Variants in MYOD1 observed in about 807,000 individuals in gnomAD.
The protein encoded by MYOD1 is myoblast determination protein 1.
In MYOD1, 15 loss-of-function variants were observed where a neutral mutation model predicts 14.9. That is an observed-to-expected ratio of 1.01 (90% CI 0.67 to 1.55). The LOEUF (loss-of-function observed/expected upper bound fraction) is 1.55. Ranked by LOEUF, MYOD1 falls within the 40% of genes most tolerant of loss-of-function variation. The probability of loss-of-function intolerance (pLI) is 0.00; values close to 1 mark genes in which losing one functional copy is unlikely to be tolerated. For synonymous variants in MYOD1, 235 were observed against 218.6 expected (o/e 1.07, Z -0.66); for missense variants, 529 against 482.6 (o/e 1.10, Z -0.90).
At position 17,719,820 on chromosome 11, in the gene MYOD1, T is replaced by G. The variant is rs748244095; in HGVS notation, c.38T>G (p.Leu13Arg). The G allele has an allele frequency of 1.4e-5, 23 of 1,613,416 alleles. No individual in the cohort carries two copies. In the South Asian group the frequency reaches 2.5e-4, roughly 18 times the overall value. ...LLSPPLRDVD[L>R]TAPDGSLCSF... ...TCGCCACCGCTCCGCGACGTAGACCTGACGGCCCCCGACGGCTCTCTCTGC... is the reference window on the plus strand; with the variant it reads ...TCGCCACCGCTCCGCGACGTAGACCGGACGGCCCCCGACGGCTCTCTCTGC... Residue 13 changes from leucine to arginine, a missense_variant, in exon 1 of 3, where the codon CTG (leucine) becomes CGG (arginine). Physicochemically the swap from Leu to Arg is moderately radical, Grantham distance 102 (BLOSUM62 -2). Coordinates refer to ENST00000250003, the MANE Select transcript of MYOD1 (RefSeq NM_002478.5).
In MYOD1 at chr11:17,720,373, C is replaced by T. The variant is rs1253160160; in HGVS notation, c.591C>T (p.Ser197=). ...GCGGCGAGCACTACAGCGGCGACTC[C>T]GACGCGTCCAGCCCGCGCTCCAACT... ...GRGGEHYSGD[S]DASSPRSNCS... Residue 197 remains serine (S), a synonymous_variant, in exon 1 of 3, where the codon TCC becomes TCT. Coordinates refer to ENST00000250003, the MANE Select transcript of MYOD1 (RefSeq NM_002478.5). 3 of 1,560,470 alleles carry T rather than the reference C, an allele frequency of 1.9e-6. No individual in the cohort carries two copies. The highest frequency in any genetic ancestry group is 1.7e-6 in the Non-Finnish European group (2 of 1,162,090).
In MYOD1 at chr11:17,720,199, T is replaced by G; in HGVS notation, c.417T>G (p.Asn139Lys). Residue 139 changes from asparagine (N) to lysine (K), a missense_variant, in exon 1 of 3, where the codon AAT becomes AAG. Asn to Lys is a moderately conservative substitution (Grantham distance 94, BLOSUM62 0). Coordinates refer to ENST00000250003, the MANE Select transcript of MYOD1 (RefSeq NM_002478.5). ...FETLKRCTSS[N>K]PNQRLPKVEI... ...CACTCAAGCGCTGCACGTCGAGCAA[T>G]CCAAACCAGCGGTTGCCCAAGGTGG... 1 of 1,609,780 alleles carries G rather than the reference T, an allele frequency of 6.2e-7. No homozygotes were observed. Among genetic ancestry groups the G allele is most frequent in the Non-Finnish European group, 8.5e-7 (1 of 1,178,752 alleles).
chr11:17,720,985 G>C lies in MYOD1; in HGVS notation c.709+5G>C. ...ACTACAACGAGGCGCCCAGCGGTGG[G>C]TATTCCGGGCCTCTCCCTGCTCGCT... On this transcript the variant is annotated splice_donor_5th_base_variant and intron_variant, in intron 2 of 2. Transcript: ENST00000250003. The C allele has an allele frequency of 6.3e-7, 1 of 1,584,758 alleles. No homozygotes were observed. The highest frequency in any genetic ancestry group is 8.6e-7 in the Non-Finnish European group (1 of 1,166,574).
intron 1 of MYOD1, among the ~76,000 whole-genome samples, 186 bp from the exon 2 acceptor site, chr11:17,720,716 T>C (rs896171948): frequency 6.6e-6 from 1 of 152,180 alleles, no homozygotes; most frequent in Non-Finnish European, 1.5e-5. Context: ...CTGTCCGCCC[T>C]TGGTTTGGCC....
rs1590084626 is a variant in MYOD1 at position 17,721,323 on chromosome 11, T to A, written c.778T>A (p.Ser260Thr). 5 of 1,590,886 alleles carry A rather than the reference T, an allele frequency of 3.1e-6. No individual in the cohort carries two copies. The East Asian group carries it at 1.1e-4, about 36-fold the overall frequency. ...DCLSSIVERI[S>T]TESPAAPALL... Reference sequence around the variant, plus strand: ...CCTGTCCAGCATCGTGGAGCGCATCTCCACCGAGAGCCCTGCGGCGCCCGC... The same window carrying A: ...CCTGTCCAGCATCGTGGAGCGCATCACCACCGAGAGCCCTGCGGCGCCCGC... Residue 260 changes from serine to threonine, a missense_variant, in exon 3 of 3, where the codon TCC (serine) becomes ACC (threonine). Ser to Thr is a moderately conservative substitution (Grantham distance 58). Transcript: ENST00000250003. The surrounding 1 kb of genome is among the most constrained non-coding windows in gnomAD (Gnocchi z 6.2).
In MYOD1 at chr11:17,719,892, C is replaced by T. The variant is rs369671991; in HGVS notation, c.110C>T (p.Ser37Phe). 4.3e-6 allele frequency: 7 copies of T among 1,613,836 alleles called. No individual in the cohort carries two copies. The highest frequency in any genetic ancestry group is 4.0e-5 in the African/African-American group (3 of 74,934). ...DDFYDDPCFD[S>F]PDLRFFEDLD... is the part of the protein sequence containing the mutation. ...TTCTATGACGACCCGTGTTTCGACTCCCCGGACCTGCGCTTCTTCGAAGAC... is the reference window on the plus strand; with the variant it reads ...TTCTATGACGACCCGTGTTTCGACTTCCCGGACCTGCGCTTCTTCGAAGAC... The change falls in exon 1 of 3, where the codon TCC (serine) becomes TTC (phenylalanine). Residue 37 changes from serine to phenylalanine, a missense_variant. Ser to Phe is a radical substitution (Grantham distance 155). Transcript: ENST00000250003.
At chr11:17,720,440 A>C in intron 1 of MYOD1, 28 bp downstream of exon 1, 1 of 1,520,194 alleles carries the variant, frequency 6.6e-7, no homozygotes, top group Admixed American at 2.4e-5. Context: ...GGAAGTGAGG[A>C]AGTTAGGGCG....
At position 17,721,029 on chromosome 11, in the gene MYOD1, TG is replaced by T. The variant is rs1162205048; in HGVS notation, c.709+50del. On this transcript the variant is annotated intron_variant, in intron 2 of 2. Coordinates refer to ENST00000250003, the MANE Select transcript of MYOD1 (RefSeq NM_002478.5). The surrounding 1 kb of genome is among the most constrained non-coding windows in gnomAD (Gnocchi z 6.2). ...GCTCGCTCCTCCTCCTTCATGGAGC[TG>T]TCCTGGCCTCTATCTAGGACGCTCC... 2 of 1,508,006 alleles carry T rather than the reference TG, an allele frequency of 1.3e-6. No individual in the cohort carries two copies. The highest frequency in any genetic ancestry group is 4.3e-5 in the Admixed American group (2 of 46,032). 93.4% of individuals were successfully genotyped at this position (1,508,006 alleles called of 1,614,324 possible). A position where few individuals can be genotyped will look rare whatever the true frequency, so the allele number is the denominator to read the frequency against.
Position 17,719,725 on chromosome 11 carries a change from C to A in MYOD1, c.-58C>A, listed in dbSNP as rs1590083753. 4 of 1,542,328 alleles carry A rather than the reference C, an allele frequency of 2.6e-6. No homozygotes were observed. The highest frequency in any genetic ancestry group is 3.5e-6 in the Non-Finnish European group (4 of 1,147,572). On this transcript the variant is annotated 5_prime_UTR_variant, in exon 1 of 3. Transcript: ENST00000250003. ...GCTCCCGAGCGGCAGAAAGTTCCGG[C>A]CACTCTCTGCCGCTTGGGTTGGGCG... is the stretch of plus-strand genomic sequence containing the variant.
rs764954467 is a variant in MYOD1 at position 17,721,285 on chromosome 11, C to T, written c.740C>T (p.Ser247Leu). The change falls in exon 3 of 3, where the codon TCG (serine) becomes TTG (leucine). Residue 247 changes from serine to leucine, a missense_variant. Ser to Leu is a moderately radical substitution (Grantham distance 145, BLOSUM62 -2). Transcript: ENST00000250003. This position sits in a 1 kb window ranked among gnomAD's most constrained non-coding sequence, Gnocchi z 6.2. ...AGGCCCGGGAAGAGTGCGGCGGTGT[C>T]GAGCCTAGACTGCCTGTCCAGCATC... Reference protein sequence around the residue: ...EPRPGKSAAVSSLDCLSSIVE... With the variant: ...EPRPGKSAAVLSLDCLSSIVE... 2.5e-6 allele frequency: 4 copies of T among 1,575,168 alleles called. No individual in the cohort carries two copies. Among genetic ancestry groups the T allele is most frequent in the Non-Finnish European group, 1.7e-6 (2 of 1,162,080 alleles).
In MYOD1 at chr11:17,721,044, C is replaced by T. The variant is rs549658506; in HGVS notation, c.709+64C>T. The T allele has an allele frequency of 6.8e-7, 1 of 1,469,250 alleles. No homozygotes were observed. The highest frequency in any genetic ancestry group is 2.5e-5 in the Admixed American group (1 of 39,982). 91.0% of individuals were successfully genotyped at this position (1,469,250 alleles called of 1,614,324 possible). Reference sequence around the variant, plus strand: ...TTCATGGAGCTGTCCTGGCCTCTATCTAGGACGCTCCCACCCCCACTCACA... The same window carrying T: ...TTCATGGAGCTGTCCTGGCCTCTATTTAGGACGCTCCCACCCCCACTCACA... On this transcript the variant is annotated intron_variant, in intron 2 of 2. Transcript: ENST00000250003. The surrounding 1 kb of genome is among the most constrained non-coding windows in gnomAD (Gnocchi z 6.2).
At position 17,719,878 on chromosome 11, in the gene MYOD1, C is replaced by G. The variant is rs751981403; in HGVS notation, c.96C>G (p.Asp32Glu). The change falls in exon 1 of 3, where the codon GAC becomes GAG. Residue 32 changes from aspartate to glutamate, a missense_variant. Coordinates refer to ENST00000250003, the MANE Select transcript of MYOD1 (RefSeq NM_002478.5). ...CCACAACGGACGACTTCTATGACGACCCGTGTTTCGACTCCCCGGACCTGC... is the reference window on the plus strand; with the variant it reads ...CCACAACGGACGACTTCTATGACGAGCCGTGTTTCGACTCCCCGGACCTGC... Reference protein sequence around the residue: ...SFATTDDFYDDPCFDSPDLRF... With the variant: ...SFATTDDFYDEPCFDSPDLRF... 2.5e-6 allele frequency: 4 copies of G among 1,613,956 alleles called. No homozygotes were observed. The highest frequency in any genetic ancestry group is 3.4e-6 in the Non-Finnish European group (4 of 1,180,014).
rs201759677 is a variant in MYOD1 at position 17,721,251 on chromosome 11, G to T, written c.710-4G>T. 3.9e-6 allele frequency: 6 copies of T among 1,537,476 alleles called. No homozygotes were observed. Among genetic ancestry groups the T allele is most frequent in the Non-Finnish European group, 5.2e-6 (6 of 1,143,458 alleles). On this transcript the variant is annotated splice_polypyrimidine_tract_variant and splice_region_variant and intron_variant, in intron 2 of 2. Transcript: ENST00000250003. This position sits in a 1 kb window ranked among gnomAD's most constrained non-coding sequence, Gnocchi z 6.2. ...TGCTTACTAACCGAGCCCTCCCCGC[G>T]CAGAACCCAGGCCCGGGAAGAGTGC...
chr11:17,721,279 C>T lies in MYOD1; in HGVS notation c.734C>T (p.Ala245Val). Residue 245 changes from alanine to valine, a missense_variant, in exon 3 of 3, where the codon GCG becomes GTG. By Grantham distance (64) the Ala-to-Val change is moderately conservative. Coordinates refer to ENST00000250003, the MANE Select transcript of MYOD1 (RefSeq NM_002478.5). This position sits in a 1 kb window ranked among gnomAD's most constrained non-coding sequence, Gnocchi z 6.2. Reference protein sequence around the residue: ...PSEPRPGKSAAVSSLDCLSSI... With the variant: ...PSEPRPGKSAVVSSLDCLSSI... ...GAACCCAGGCCCGGGAAGAGTGCGG[C>T]GGTGTCGAGCCTAGACTGCCTGTCC... 2 of 1,572,970 alleles carry T rather than the reference C, an allele frequency of 1.3e-6. No homozygotes were observed. Among genetic ancestry groups the T allele is most frequent in the Non-Finnish European group, 1.7e-6 (2 of 1,160,806 alleles).
rs777410499 is a variant in MYOD1, at chr11:17,720,216, C to T, written c.434C>T (p.Pro145Leu). The T allele has an allele frequency of 2.5e-6, 4 of 1,609,520 alleles. No individual in the cohort carries two copies. The change falls in exon 1 of 3, where the codon CCC (proline) becomes CTC (leucine). Residue 145 changes from proline to leucine, a missense_variant. By Grantham distance (98) the Pro-to-Leu change is moderately conservative (BLOSUM62 -3). Coordinates refer to ENST00000250003, the MANE Select transcript of MYOD1 (RefSeq NM_002478.5). ...TCGAGCAATCCAAACCAGCGGTTGC[C>T]CAAGGTGGAGATCCTGCGCAACGCC... ...CTSSNPNQRL[P>L]KVEILRNAIR...
rs758659312 is a variant in MYOD1 at position 17,720,030 on chromosome 11, C to A, written c.248C>A (p.Ala83Glu). 3 of 1,583,516 alleles carry A rather than the reference C, an allele frequency of 1.9e-6. No homozygotes were observed. The Admixed American group carries it at 5.4e-5, about 28-fold the overall frequency. The change falls in exon 1 of 3, where the codon GCG (alanine) becomes GAG (glutamate). Residue 83 changes from alanine to glutamate, a missense_variant. By Grantham distance (107) the Ala-to-Glu change is moderately radical. Transcript: ENST00000250003. The stretch of plus-strand genomic sequence containing the variant: ...GCACGTGAGGACGAGCATGTGCGCG[C>A]GCCCAGCGGGCACCACCAGGCGGGC... Reference protein sequence around the residue: ...PGAREDEHVRAPSGHHQAGRC... With the variant: ...PGAREDEHVREPSGHHQAGRC...
chr11:17,720,037 C>T lies in MYOD1; in HGVS notation c.255C>T (p.Ser85=), dbSNP rs1022032483. ...AGGACGAGCATGTGCGCGCGCCCAG[C>T]GGGCACCACCAGGCGGGCCGCTGCC... ...AREDEHVRAP[S]GHHQAGRCLL... Residue 85 remains serine, a synonymous_variant, in exon 1 of 3, where the codon AGC becomes AGT. Transcript: ENST00000250003. 3 of 1,579,420 alleles carry T rather than the reference C, an allele frequency of 1.9e-6. No homozygotes were observed. Among genetic ancestry groups the T allele is most frequent in the Non-Finnish European group, 2.6e-6 (3 of 1,163,028 alleles).
chr11:17,719,650 G>A lies in MYOD1; in HGVS notation c.-133G>A, dbSNP rs1848616240. The A allele has an allele frequency of 9.0e-7, 1 of 1,112,640 alleles. No individual in the cohort carries two copies. The highest frequency in any genetic ancestry group is 1.3e-6 in the Non-Finnish European group (1 of 796,306). 68.9% of individuals were successfully genotyped at this position (1,112,640 alleles called of 1,614,324 possible). The stretch of plus-strand genomic sequence containing the variant: ...CCGGACAGGAGAGGGAGGGGTGGGG[G>A]ACAGTGGGTGGGCATTCAGACTGCC... On this transcript the variant is annotated 5_prime_UTR_variant, in exon 1 of 3. Transcript: ENST00000250003.
rs780710796 is a variant in MYOD1, at chr11:17,720,401, T to C, written c.619T>C (p.Ser207Pro). Reference sequence around the variant, plus strand: ...CGCGTCCAGCCCGCGCTCCAACTGCTCCGACGGCATGGTAAGGCCGGGACC... The same window carrying C: ...CGCGTCCAGCCCGCGCTCCAACTGCCCCGACGGCATGGTAAGGCCGGGACC... ...SDASSPRSNC[S>P]DGMMDYSGPP... The change falls in exon 1 of 3, where the codon TCC (serine) becomes CCC (proline). Residue 207 changes from serine (S) to proline (P), a missense_variant. By Grantham distance (74) the Ser-to-Pro change is moderately conservative (BLOSUM62 -1). Transcript: ENST00000250003. The C allele has an allele frequency of 2.6e-6, 4 of 1,562,766 alleles. No individual in the cohort carries two copies. In the Admixed American group the frequency reaches 7.8e-5, roughly 31 times the overall value.
Sources: gnomAD v4.1 joint callset for allele counts (sites outside exome capture counted in the v4.1 genomes callset) on GRCh38, gnomAD v4.1.1 for gene constraint, Gnocchi (gnomAD v3.1) non-coding constraint, MANE v1.5 for transcripts, NCBI Gene and HGNC (gene_info 2026-07-23, HGNC 2026-07-21) for gene names.